Variants in DIO2 observed in about 807,000 individuals in gnomAD.
DIO2 encodes the protein iodothyronine deiodinase 2.
A neutral mutation model predicts 21.4 loss-of-function variants in DIO2; 19 were observed. The observed-to-expected ratio is 0.89, with a 90% CI of 0.62 to 1.30. The LOEUF (loss-of-function observed/expected upper bound fraction) is 1.30. DIO2 is among the 50% of genes most tolerant of loss of function. The pLI is 0.00. For synonymous variants in DIO2, 122 were observed against 132.9 expected (o/e 0.92, Z 0.57); for missense variants, 302 against 338.1 (o/e 0.89, Z 0.84).
chr14:80,215,803 C>T (rs1414159891), upstream of DIO2, among the ~76,000 whole-genome samples: 1 of 152,232 alleles, frequency 6.6e-6, no homozygotes, highest in South Asian at 2.1e-4. Context: ...CCTCCAGTGA[C>T]TCTGCCTGAC....
intron 1 of DIO2, chr14:80,206,367 G>T: frequency 1.6e-6 from 2 of 1,268,654 alleles, no homozygotes; most frequent in East Asian, 2.6e-5. Flanking sequence ...ACTTTTTTTA[G>T]ATATGGAAGT....
At chr14:80,203,478 G>A (rs888549629) in intron 1 of DIO2, among the ~76,000 whole-genome samples, 190 bp from the exon 2 acceptor site, 6 of 152,072 alleles carry the variant, frequency 3.9e-5, no homozygotes, top group Non-Finnish European at 8.8e-5. Context: ...GTAAAGAATG[G>A]CCCAAAAGAC....
rs1887616277 is a variant in DIO2, at chr14:80,199,279, T to C, written c.*3410A>G. Reference sequence around the variant, plus strand: ...AGGCAAAATGAAAGACAATAGGCTATTCTTCCCACTGTGATGAGAGAATAA... The same window carrying C: ...AGGCAAAATGAAAGACAATAGGCTACTCTTCCCACTGTGATGAGAGAATAA... On this transcript the variant is annotated 3_prime_UTR_variant, in exon 2 of 2. Transcript: ENST00000438257. 6.6e-6 allele frequency: 1 copy of C among 152,224 alleles called. No individual in the cohort carries two copies. Among genetic ancestry groups the C allele is most frequent in the Non-Finnish European group, 1.5e-5 (1 of 68,040 alleles). The allele number at this position is 152,224 out of a possible 1,614,324, so 9.4% of individuals were successfully genotyped here.
In DIO2 at chr14:80,218,109, T is replaced by A. The variant is rs1014041323; in HGVS notation, c.-277-1372A>T. Among the ~76,000 whole-genome samples the A allele has an allele frequency of 9.9e-5, 15 of 152,122 alleles. No homozygotes were observed. The East Asian group carries it at 2.9e-3, about 29-fold the overall frequency. ...AGCTGTATTCTAAAAATATTCAATA[T>A]AAAAAAAATCTTGACAAGTTTTTTC... On this transcript the variant is annotated intron_variant, in intron 2 of 4. Transcript: ENST00000553594.
At chr14:80,230,016 T>TCAA (rs1429388288) in intron 2 of DIO2, among the ~76,000 whole-genome samples, 1 of 152,070 alleles carries the variant, frequency 6.6e-6, no homozygotes, top group Non-Finnish European at 1.5e-5. Flanking sequence ...CTGAGGAGAA[T>TCAA]CAACGTTATT....
intron 2 of DIO2, among the ~76,000 whole-genome samples, chr14:80,221,618 T>C (rs1888466987): frequency 6.6e-6 from 1 of 152,120 alleles, no homozygotes; most frequent in Admixed American, 6.5e-5. Flanking sequence ...GACAAGAAAT[T>C]GCCATCCAGG....
chr14:80,211,232 C>T lies in DIO2; in HGVS notation c.222+19G>A, dbSNP rs759579808. On this transcript the variant is annotated intron_variant, in intron 1 of 1. Coordinates refer to ENST00000438257, the MANE Select transcript of DIO2 (RefSeq NM_013989.5). ...TGCCCCTGTAGACCTAGGGAGAAGC[C>T]CTTCTCAGCTCAGCTCACCTGTTTG... is the stretch of plus-strand genomic sequence containing the variant. 4 of 1,600,606 alleles carry T rather than the reference C, an allele frequency of 2.5e-6. No individual in the cohort carries two copies. In the East Asian group the frequency reaches 6.7e-5, roughly 27 times the overall value.
intron 2 of DIO2, among the ~76,000 whole-genome samples, chr14:80,218,847 G>T (rs1277183474): frequency 2.0e-5 from 3 of 152,050 alleles, no homozygotes; most frequent in Non-Finnish European, 4.4e-5. Flanking sequence ...GCGTGGTGGT[G>T]CATGCCTGTA....
chr14:80,211,659 G>A (rs546443850), upstream of DIO2: 10 of 553,802 alleles, frequency 1.8e-5, no homozygotes, highest in African/African-American at 1.7e-4. Context: ...AAGCAGAAAT[G>A]GCAAGACTAA....
At chr14:80,227,260 T>C (rs1179882839) in intron 2 of DIO2, among the ~76,000 whole-genome samples, 1 of 152,144 alleles carries the variant, frequency 6.6e-6, no homozygotes, top group African/African-American at 2.4e-5. Context: ...GCCATTGGTG[T>C]AGGCTGGGGA....
At chr14:80,221,628 G>A (rs1203736397) in intron 2 of DIO2, among the ~76,000 whole-genome samples, 1 of 152,084 alleles carries the variant, frequency 6.6e-6, no homozygotes, top group Non-Finnish European at 1.5e-5. Flanking sequence ...TGCCATCCAG[G>A]TCATAAGAAT....
chr14:80,202,935 A>G lies in DIO2; in HGVS notation c.576T>C (p.Cys192=). 12 of 1,614,016 alleles carry G rather than the reference A, an allele frequency of 7.4e-6. No individual in the cohort carries two copies. The highest frequency in any genetic ancestry group is 1.0e-5 in the Non-Finnish European group (12 of 1,179,898). ...VKKHQNQEDR[C]AAAQQLLERF... ...GCTCCAGAAGCTGCTGGGCTGCTGC[A>G]CATCGATCTTCCTGGTTCTGGTGCT... Residue 192 remains cysteine (C), a synonymous_variant, in exon 2 of 2, where the codon TGT becomes TGC. Transcript: ENST00000438257.
intron 2 of DIO2, chr14:80,219,423 G>A (rs1888419906): frequency 6.6e-6 from 1 of 151,412 alleles, no homozygotes; most frequent in African/African-American, 2.4e-5. Flanking sequence ...TGTGAGAAAA[G>A]GAATAGGAAA....
chr14:80,203,273 C>G lies in DIO2; in HGVS notation c.238G>C (p.Asp80His), dbSNP rs1464953329. 6.4e-6 allele frequency: 10 copies of G among 1,568,498 alleles called. No individual in the cohort carries two copies. Among genetic ancestry groups the G allele is most frequent in the Non-Finnish European group, 7.8e-6 (9 of 1,157,114 alleles). ...DAYKQVKLGE[D>H]APNSSVVHVS... ...TGCACCACACTGGAATTGGGGGCATCCTCACCCAATTTCACCTGACGGTAA... is the reference window on the plus strand; with the variant it reads ...TGCACCACACTGGAATTGGGGGCATGCTCACCCAATTTCACCTGACGGTAA... The change falls in exon 2 of 2, where the codon GAT becomes CAT. Residue 80 changes from aspartate (D) to histidine (H), a missense_variant. Physicochemically the swap from Asp to His is moderately conservative, Grantham distance 81 (BLOSUM62 -1). Coordinates refer to ENST00000438257, the MANE Select transcript of DIO2 (RefSeq NM_013989.5).
intron 1 of DIO2, among the ~76,000 whole-genome samples, chr14:80,208,875 G>A (rs778321284): frequency 1.3e-5 from 2 of 152,178 alleles, no homozygotes; most frequent in African/African-American, 2.4e-5. Context: ...CACACACCCA[G>A]TCCAGTCTTG....
chr14:80,225,145 C>T (rs989565739), intron 2 of DIO2, among the ~76,000 whole-genome samples: 7 of 152,160 alleles, frequency 4.6e-5, no homozygotes, highest in African/African-American at 1.7e-4. Context: ...CCCACTGACT[C>T]AAATGTTAAT....
At chr14:80,230,284 C>T (rs1208707461) in intron 2 of DIO2, among the ~76,000 whole-genome samples, 2 of 152,136 alleles carry the variant, frequency 1.3e-5, no homozygotes, top group African/African-American at 4.8e-5. Context: ...CCAGTCAATG[C>T]CCTCACTTTA....
intron 2 of DIO2, among the ~76,000 whole-genome samples, chr14:80,223,010 T>C (rs1888496816): frequency 1.3e-5 from 2 of 151,988 alleles, no homozygotes; most frequent in African/African-American, 2.4e-5. Flanking sequence ...TACTGAAGCA[T>C]ACCACCATGC....
chr14:80,216,431 T>C (rs1210615868), upstream of DIO2, among the ~76,000 whole-genome samples: 1 of 152,102 alleles, frequency 6.6e-6, no homozygotes, highest in Non-Finnish European at 1.5e-5. Context: ...TCACTTAGGA[T>C]TGGCCTAGTC....
Sources: allele counts gnomAD v4.1 joint callset (sites outside exome capture counted in the v4.1 genomes callset), GRCh38; gene constraint gnomAD v4.1.1; transcripts MANE v1.5; gene names NCBI Gene and HGNC (gene_info 2026-07-23, HGNC 2026-07-21).